Variants in ABCC4 observed in about 807,000 individuals in gnomAD.
ABCC4 encodes ATP-binding cassette sub-family C member 4.
Under a neutral mutation model 168.5 loss-of-function variants are expected in ABCC4, and 102 were observed. That is an observed-to-expected ratio of 0.61 (90% CI 0.52 to 0.71). The LOEUF is 0.71. ABCC4 is among the 30% of genes least tolerant of loss of function. ABCC4 has a pLI of 0.00. For missense variants in ABCC4, 1,402 were observed against 1,605.8 expected, an observed-to-expected ratio of 0.87 and a Z score of 2.17; for synonymous variants, 617 against 590.7, an observed-to-expected ratio of 1.04 and a Z score of -0.65.
intron 13 of ABCC4, among the ~76,000 whole-genome samples, chr13:95,177,249 T>G (rs563100810): frequency 2.6e-5 from 4 of 152,206 alleles, no homozygotes; most frequent in Non-Finnish European, 1.5e-5. Context: ...GAAAGCCCTA[T>G]GTTGGTCCCA....
At chr13:95,079,814 C>T (rs2034029863) in intron 21 of ABCC4, among the ~76,000 whole-genome samples, 1 of 151,852 alleles carries the variant, frequency 6.6e-6, no homozygotes, top group South Asian at 2.1e-4. Flanking sequence ...CTAGCCTGGG[C>T]AACAGAGTGA....
intron 25 of ABCC4, among the ~76,000 whole-genome samples, chr13:95,069,699 A>C (rs2033662637): frequency 6.6e-6 from 1 of 152,212 alleles, no homozygotes; most frequent in African/African-American, 2.4e-5. Context: ...GTGGAACCTT[A>C]TAGCACCGTC....
At chr13:95,275,076 C>CA (rs1330324113) in intron 1 of ABCC4, among the ~76,000 whole-genome samples, 1 of 152,100 alleles carries the variant, frequency 6.6e-6, no homozygotes. Flanking sequence ...GACTCCGTCT[C>CA]AAAAAATAAA....
chr13:95,284,250 G>A (rs139506055), intron 1 of ABCC4, among the ~76,000 whole-genome samples: 1,815 of 152,088 alleles, frequency 0.012, 18 homozygotes, highest in Non-Finnish European at 0.02. Context: ...GCAGGGGTGC[G>A]ATCATGTGTC....
Position 95,189,195 on chromosome 13 carries a change from G to A in ABCC4, c.1264-653C>T, listed in dbSNP as rs370666154. ...GTCGCCCAGGCGGGAGTGCTGTGGC[G>A]CGATCTCCGCTCACTGCAAGCTCCG... is the stretch of plus-strand genomic sequence containing the variant. On this transcript the variant is annotated intron_variant, in intron 9 of 30. Transcript: ENST00000645237. Among the ~76,000 whole-genome samples the A allele has an allele frequency of 6.4e-5, 9 of 140,264 alleles. No individual in the cohort carries two copies. In the East Asian group the frequency reaches 1.7e-3, roughly 27 times the overall value. The allele number at this position is 140,264 out of a possible 152,430, so 92.0% of individuals were successfully genotyped here.
intron 4 of ABCC4, among the ~76,000 whole-genome samples, chr13:95,219,278 G>C (rs1032402405): frequency 4.6e-5 from 7 of 152,122 alleles, no homozygotes; most frequent in Non-Finnish European, 1.0e-4. Flanking sequence ...AACTGAACTG[G>C]TTTATCGACT....
rs114102733 is a variant in ABCC4 at position 95,213,608 on chromosome 13, G to C, written c.532-2827C>G. The stretch of plus-strand genomic sequence containing the variant: ...CATGCAGTAGGAGATGCCGCCCGAG[G>C]AGAGGAAGGAAATCTCCACTGGGCC... On this transcript the variant is annotated intron_variant, in intron 4 of 30. Transcript: ENST00000645237. Among the ~76,000 whole-genome samples, 244 of 100,408 alleles carry C rather than the reference G, an allele frequency of 2.4e-3. 2 individuals are homozygous for C. The highest frequency in any genetic ancestry group is 9.9e-3 in the African/African-American group (233 of 23,524). 65.9% of individuals were successfully genotyped at this position (100,408 alleles called of 152,430 possible).
chr13:95,233,847 T>G (rs1404630309), intron 4 of ABCC4, among the ~76,000 whole-genome samples: 1 of 152,154 alleles, frequency 6.6e-6, no homozygotes, highest in African/African-American at 2.4e-5. Context: ...AAACTTACTT[T>G]GAATGAAAAC....
intron 26 of ABCC4, chr13:95,053,845 C>T (rs113229764): frequency 0.021 from 3,216 of 152,476 alleles, 49 homozygotes; most frequent in Middle Eastern, 0.041. Context: ...GGCATGGTGG[C>T]ACATGCCTGT....
At chr13:95,288,668 T>G (rs1165412989) in intron 1 of ABCC4, among the ~76,000 whole-genome samples, 1 of 151,868 alleles carries the variant, frequency 6.6e-6, no homozygotes, top group East Asian at 1.9e-4. Flanking sequence ...TAGCCAGGTG[T>G]CATGGCACAA....
rs559172546 is a variant in ABCC4, at chr13:95,283,045, T to C, written c.74+18196A>G. Reference sequence around the variant, plus strand: ...TCCTGGTCAACACAGTGAAACCCCATCTCTACTAAAAATACAAAAAATTAG... The same window carrying C: ...TCCTGGTCAACACAGTGAAACCCCACCTCTACTAAAAATACAAAAAATTAG... On this transcript the variant is annotated intron_variant, in intron 1 of 30. Transcript: ENST00000645237. Among the ~76,000 whole-genome samples the C allele has an allele frequency of 4.0e-5, 6 of 151,284 alleles. No individual in the cohort carries two copies. In the South Asian group the frequency reaches 1.1e-3, roughly 27 times the overall value.
At chr13:95,254,644 T>G (rs1401264284) in intron 1 of ABCC4, among the ~76,000 whole-genome samples, 1 of 152,188 alleles carries the variant, frequency 6.6e-6, no homozygotes, top group African/African-American at 2.4e-5. Context: ...TCTTTGTCAC[T>G]CTTTGATAGG....
At chr13:95,214,840 C>T (rs1164678594) in intron 4 of ABCC4, among the ~76,000 whole-genome samples, 8 of 145,568 alleles carry the variant, frequency 5.5e-5, no homozygotes, top group Middle Eastern at 3.6e-3. Context: ...GAGCCGAGAT[C>T]GCGCCACTCC....
chr13:95,147,046 G>A (rs937224908), intron 19 of ABCC4, among the ~76,000 whole-genome samples: 1 of 152,184 alleles, frequency 6.6e-6, no homozygotes, highest in African/African-American at 2.4e-5. Flanking sequence ...CACAGAATGA[G>A]AGAATCATCG....
intron 30 of ABCC4, among the ~76,000 whole-genome samples, chr13:95,026,853 C>A (rs150255782): frequency 6.6e-6 from 1 of 150,548 alleles, no homozygotes; most frequent in South Asian, 2.1e-4. Context: ...TGTGCCACTG[C>A]ACTCCAGCCT....
chr13:95,152,329 C>G (rs2036713855), intron 19 of ABCC4, among the ~76,000 whole-genome samples: 1 of 152,210 alleles, frequency 6.6e-6, no homozygotes, highest in Non-Finnish European at 1.5e-5. Context: ...ACTGTAAAGT[C>G]CCATTGTTCT....
At chr13:95,126,890 T>G (rs1047886255) in intron 19 of ABCC4, among the ~76,000 whole-genome samples, 2 of 149,284 alleles carry the variant, frequency 1.3e-5, no homozygotes, top group Admixed American at 1.3e-4. Context: ...AATATATATA[T>G]ATATTTAAGT....
At chr13:95,288,606 G>T (rs1051260487) in intron 1 of ABCC4, among the ~76,000 whole-genome samples, 1 of 152,150 alleles carries the variant, frequency 6.6e-6, no homozygotes, top group Admixed American at 6.5e-5. Context: ...AGGAGTTCAA[G>T]ACCAGCCTGG....
intron 19 of ABCC4, among the ~76,000 whole-genome samples, chr13:95,129,978 GGC>G (rs1294465882): frequency 2.6e-5 from 4 of 151,816 alleles, no homozygotes; most frequent in African/African-American, 4.8e-5. Context: ...GGGAGGCTGA[GGC>G]AGAAGAATCG....
Sources: allele counts gnomAD v4.1 joint callset (sites outside exome capture counted in the v4.1 genomes callset), GRCh38; gene constraint gnomAD v4.1.1; transcripts MANE v1.5; gene names NCBI Gene and HGNC (gene_info 2026-07-23, HGNC 2026-07-21).